The following KCNC4 variants were observed in gnomAD, a reference collection of about 807,000 sequenced individuals.
KCNC4 encodes the protein potassium voltage-gated channel subfamily C member 4, also known as voltage-gated potassium channel KCNC4.
In KCNC4, 23 loss-of-function variants were observed where a neutral mutation model predicts 42.8. The observed-to-expected ratio is 0.54, with a 90% CI of 0.39 to 0.76. The LOEUF (loss-of-function observed/expected upper bound fraction) is 0.76. KCNC4 is among the 30% of genes least tolerant of loss of function. The pLI, the probability that KCNC4 is intolerant of heterozygous loss-of-function variation, is 0.00. For synonymous variants in KCNC4, 422 were observed against 393.5 expected, an observed-to-expected ratio of 1.07 and a Z score of -0.86; for missense variants, 751 against 898.2, an observed-to-expected ratio of 0.84 and a Z score of 2.10.
At chr1:110,280,082 G>T (rs1251183653) in intron 1 of KCNC4, among the ~76,000 whole-genome samples, 1 of 151,986 alleles carries the variant, frequency 6.6e-6, no homozygotes, top group Non-Finnish European at 1.5e-5. Flanking sequence ...CACCCGGCTG[G>T]AATGTTTAGG....
intron 3 of KCNC4, among the ~76,000 whole-genome samples, chr1:110,230,608 A>T (rs1020784959): frequency 2.0e-5 from 3 of 152,176 alleles, no homozygotes; most frequent in East Asian, 3.9e-4. Flanking sequence ...GGTCTGGCTC[A>T]TGGCACCCCT....
intron 1 of KCNC4, chr1:110,256,902 C>A: frequency 1.3e-5 from 2 of 155,474 alleles, no homozygotes; most frequent in South Asian, 3.8e-4. Flanking sequence ...GATACCAGGT[C>A]AAGAATCAGA....
chr1:110,265,407 TAA>T (rs1159500181), intron 1 of KCNC4, among the ~76,000 whole-genome samples: 3 of 96,774 alleles, frequency 3.1e-5, no homozygotes, highest in African/African-American at 1.5e-4. Flanking sequence ...TAAAATAAAA[TAA>T]AATAAAATAA....
chr1:110,223,895 G>C lies in KCNC4; in HGVS notation c.1610G>C (p.Arg537Pro). The C allele has an allele frequency of 6.3e-7, 1 of 1,587,786 alleles. No homozygotes were observed. The highest frequency in any genetic ancestry group is 8.6e-7 in the Non-Finnish European group (1 of 1,164,432). Residue 537 changes from arginine to proline, a missense_variant, in exon 2 of 4, where the codon CGG becomes CCG. Transcript: ENST00000438661. The surrounding 1 kb of genome is among the most constrained non-coding windows in gnomAD (Gnocchi z 7.5). ...GAAGAGGGTATGATCGAGAGGAAAC[G>C]GGCAGGTGAGATTAGGGGTTGGGAA... ...AREEGMIERK[R>P]ADSKQNGDAN...
downstream of KCNC4, among the ~76,000 whole-genome samples, chr1:110,250,285 A>G (rs2101066142): frequency 6.6e-6 from 1 of 151,700 alleles, no homozygotes; most frequent in African/African-American, 2.4e-5. Flanking sequence ...TCCCTCCTCC[A>G]TGTCCTCCAG....
chr1:110,256,474 T>G (rs1360055613), intron 1 of KCNC4, among the ~76,000 whole-genome samples: 1 of 152,248 alleles, frequency 6.6e-6, no homozygotes, highest in East Asian at 1.9e-4. Flanking sequence ...AAGATTCTTT[T>G]GCCCAGTCTT....
intron 1 of KCNC4, among the ~76,000 whole-genome samples, chr1:110,270,102 T>C (rs1302385280): frequency 1.3e-5 from 2 of 152,210 alleles, no homozygotes; most frequent in African/African-American, 4.8e-5. Context: ...GAGCTACTGA[T>C]GCTCCATCCT....
intron 1 of KCNC4, among the ~76,000 whole-genome samples, chr1:110,267,877 C>G (rs958463978): frequency 6.6e-6 from 1 of 152,136 alleles, no homozygotes; most frequent in Admixed American, 6.5e-5. Context: ...AAAAACTGCC[C>G]CTTCCTTGTT....
In KCNC4 at chr1:110,223,507, A is replaced by G. The variant is rs1190770723; in HGVS notation, c.1222A>G (p.Arg408Gly). Residue 408 changes from arginine to glycine, a missense_variant, in exon 2 of 4, where the codon AGG becomes GGG. Physicochemically the swap from Arg to Gly is moderately radical, Grantham distance 125 (BLOSUM62 -2). This residue lies in a region of KCNC4 where 185 missense variants were observed against 293.7 expected (regional missense o/e 0.63). Transcript: ENST00000438661. The surrounding 1 kb of genome is among the most constrained non-coding windows in gnomAD (Gnocchi z 7.5). ...CTACTACGCTGAGCGCATTGGGGCC[A>G]GGCCCTCCGACCCTCGGGGTAATGA... ...MIYYAERIGA[R>G]PSDPRGNDHT... The G allele has an allele frequency of 6.2e-7, 1 of 1,613,940 alleles. No individual in the cohort carries two copies. The highest frequency in any genetic ancestry group is 1.7e-5 in the Admixed American group (1 of 60,032).
chr1:110,232,132 C>G, intron 3 of KCNC4: 1 of 1,309,798 alleles, frequency 7.6e-7, no homozygotes, highest in Non-Finnish European at 1.1e-6. Flanking sequence ...GGTAGACATC[C>G]CAGGCTGAGG....
rs1407807424 is a variant in KCNC4, at chr1:110,265,382, TAAAATAAAATAAAATAAAATA to T, written n.31-17148_31-17128del. Reference sequence around the variant, plus strand: ...TAAAATAAAATAAAATAAAATAAAATAAAATAAAATAAAATAAAATAAAATAAAATAAAATAAAATATTCCC... The same window carrying T: ...TAAAATAAAATAAAATAAAATAAAATAAATAAAATAAAATAAAATATTCCC... On this transcript the variant is annotated intron_variant and non_coding_transcript_variant, in intron 1 of 2. Coordinates refer to the KCNC4 transcript ENST00000412512. 1.5e-4 allele frequency among the ~76,000 whole-genome samples: 19 copies of T among 130,466 alleles called. No individual in the cohort carries two copies. The South Asian group carries it at 2.0e-3, about 14-fold the overall frequency. 85.6% of individuals were successfully genotyped at this position (130,466 alleles called of 152,430 possible). A position where few individuals can be genotyped will look rare whatever the true frequency, so the allele number is the denominator to read the frequency against.
At position 110,223,486 on chromosome 1, in the gene KCNC4, T is replaced by C. The variant is rs1207247169; in HGVS notation, c.1201T>C (p.Tyr401His). 2 of 1,613,728 alleles carry C rather than the reference T, an allele frequency of 1.2e-6. No individual in the cohort carries two copies. Among genetic ancestry groups the C allele is most frequent in the South Asian group, 1.1e-5 (1 of 91,070 alleles). The change falls in exon 2 of 4, where the codon TAC becomes CAC. Residue 401 changes from tyrosine (Y) to histidine (H), a missense_variant. This residue lies in a region of KCNC4 where 185 missense variants were observed against 293.7 expected (regional missense o/e 0.63). Coordinates refer to ENST00000438661, the MANE Select transcript of KCNC4 (RefSeq NM_001039574.3). The surrounding 1 kb of genome is among the most constrained non-coding windows in gnomAD (Gnocchi z 7.5). ...GCTCATCTTTGCCACCATGATCTAC[T>C]ACGCTGAGCGCATTGGGGCCAGGCC... ...GVLIFATMIY[Y>H]AERIGARPSD...
chr1:110,232,938 A>T lies in KCNC4; in HGVS notation c.1847A>T (p.Asn616Ile). The T allele has an allele frequency of 1.2e-6, 2 of 1,612,206 alleles. No individual in the cohort carries two copies. Among genetic ancestry groups the T allele is most frequent in the Non-Finnish European group, 1.7e-6 (2 of 1,179,226 alleles). The change falls in exon 4 of 4, where the codon AAC (asparagine) becomes ATC (isoleucine). Residue 616 changes from asparagine (N) to isoleucine (I), a missense_variant. By Grantham distance (149) the Asn-to-Ile change is moderately radical. Transcript: ENST00000438661. ...ACCTGCCAAGACGCCCTCTCGTCCA[A>T]CTATGCCCAGGCTGAAGTCCTCACC... Reference protein sequence around the residue: ...KETCQDALSSNYAQAEVLTLS With the variant: ...KETCQDALSSIYAQAEVLTLS
At chr1:110,267,200 G>GC (rs1229614838) in intron 1 of KCNC4, among the ~76,000 whole-genome samples, 3 of 152,142 alleles carry the variant, frequency 2.0e-5, no homozygotes, top group Non-Finnish European at 4.4e-5. Context: ...AAGGTTTGGG[G>GC]CCCAGGAGGG....
At chr1:110,253,265 TC>T (rs1186719524), downstream of KCNC4, among the ~76,000 whole-genome samples, 1 of 152,224 alleles carries the variant, frequency 6.6e-6, no homozygotes, top group Non-Finnish European at 1.5e-5. Context: ...TGTTTATGCA[TC>T]TTCTTGTTTT....
Position 110,211,265 on chromosome 1 carries a change from CCT to C in KCNC4, c.-229_-228del, listed in dbSNP as rs1160392142. 1.7e-5 allele frequency: 10 copies of C among 574,918 alleles called. No homozygotes were observed. In the East Asian group the frequency reaches 2.7e-4, roughly 16 times the overall value. 35.6% of individuals were successfully genotyped at this position (574,918 alleles called of 1,614,324 possible). A position where few individuals can be genotyped will look rare whatever the true frequency, so the allele number is the denominator to read the frequency against. On this transcript the variant is annotated 5_prime_UTR_variant, in exon 1 of 4. Coordinates refer to ENST00000438661, the MANE Select transcript of KCNC4 (RefSeq NM_001039574.3). This position sits in a 1 kb window ranked among gnomAD's most constrained non-coding sequence, Gnocchi z 6.5. ...CCCGGGTCCTCCCTCTCTGCGCCTC[CCT>C]CTCTCCGGAGCTTCCTGCCCTAACC...
Position 110,223,620 on chromosome 1 carries a change from G to T in KCNC4, c.1335G>T (p.Lys445Asn). ...TTLGYGDMYPKTWSGMLVGAL... is the reference protein window; with the variant it reads ...TTLGYGDMYPNTWSGMLVGAL... ...TGGGCTACGGAGACATGTACCCCAAGACGTGGTCAGGCATGCTGGTAGGGG... is the reference window on the plus strand; with the variant it reads ...TGGGCTACGGAGACATGTACCCCAATACGTGGTCAGGCATGCTGGTAGGGG... Residue 445 changes from lysine (K) to asparagine (N), a missense_variant, in exon 2 of 4, where the codon AAG (lysine) becomes AAT (asparagine). By Grantham distance (94) the Lys-to-Asn change is moderately conservative (BLOSUM62 0). This residue lies in a region of KCNC4 where 185 missense variants were observed against 293.7 expected (regional missense o/e 0.63). Coordinates refer to ENST00000438661, the MANE Select transcript of KCNC4 (RefSeq NM_001039574.3). This position sits in a 1 kb window ranked among gnomAD's most constrained non-coding sequence, Gnocchi z 7.5. 6.2e-7 allele frequency: 1 copy of T among 1,614,144 alleles called. No individual in the cohort carries two copies. Among genetic ancestry groups the T allele is most frequent in the Non-Finnish European group, 8.5e-7 (1 of 1,180,046 alleles).
At chr1:110,267,744 C>T (rs1396934013) in intron 1 of KCNC4, among the ~76,000 whole-genome samples, 3 of 152,210 alleles carry the variant, frequency 2.0e-5, no homozygotes, top group African/African-American at 7.2e-5. Flanking sequence ...TGAGAGAAAT[C>T]TAACATGACA....
chr1:110,237,935 T>G (rs1321770607), downstream of KCNC4: 1 of 152,292 alleles, frequency 6.6e-6, no homozygotes, highest in Non-Finnish European at 1.5e-5. Context: ...CCAAGCCCTG[T>G]GTGTGCATAC....
Sources: gnomAD v4.1 joint callset for allele counts (sites outside exome capture counted in the v4.1 genomes callset) on GRCh38, gnomAD v4.1.1 for gene constraint, gnomAD v4.1.1 regional missense constraint, Gnocchi (gnomAD v3.1) non-coding constraint, MANE v1.5 for transcripts, NCBI Gene and HGNC (gene_info 2026-07-23, HGNC 2026-07-21) for gene names.